The following SUMF1 variants were observed in gnomAD, a reference collection of about 807,000 sequenced individuals.
SUMF1 encodes the protein formylglycine-generating enzyme.
In SUMF1, 48 loss-of-function variants were observed where a neutral mutation model predicts 47.6. The ratio of observed to expected loss-of-function variants is 1.01; its 90% CI spans 0.80 to 1.28. The LOEUF (loss-of-function observed/expected upper bound fraction) is 1.28, where lower values mean the gene tolerates loss of function less well. Among genes scored for constraint, SUMF1 ranks in the 50% most tolerant of loss-of-function variants. The pLI is 0.00. For missense variants in SUMF1, 571 were observed against 485.4 expected (o/e 1.18, Z -1.66); for synonymous variants, 230 against 192.1 (o/e 1.20, Z -1.63).
intron 1 of SUMF1, among the ~76,000 whole-genome samples, chr3:4,465,669 T>G (rs1219862014): frequency 6.6e-6 from 1 of 151,864 alleles, no homozygotes; most frequent in Non-Finnish European, 1.5e-5. Flanking sequence ...GGCCAAAAAT[T>G]ATACAGGATG....
chr3:4,176,007 G>A (rs925950376), intron 8 of SUMF1, among the ~76,000 whole-genome samples: 5 of 152,116 alleles, frequency 3.3e-5, no homozygotes, highest in Non-Finnish European at 7.4e-5. Flanking sequence ...AAAAAGAAAT[G>A]AACAAAGCCT....
chr3:4,389,336 T>G (rs1700777750), intron 7 of SUMF1, among the ~76,000 whole-genome samples: 3 of 115,018 alleles, frequency 2.6e-5, no homozygotes, highest in African/African-American at 1.1e-4. Flanking sequence ...CAAATTGTTT[T>G]TTTTTTTTTT....
intron 7 of SUMF1, among the ~76,000 whole-genome samples, chr3:4,398,427 C>CA (rs1298439958): frequency 7.2e-5 from 11 of 151,996 alleles, no homozygotes; most frequent in South Asian, 4.1e-4. Flanking sequence ...AATTTGGTAA[C>CA]AAAAAAAGAT....
chr3:4,047,894 T>A (rs533420088), intron 9 of SUMF1, among the ~76,000 whole-genome samples: 1 of 152,262 alleles, frequency 6.6e-6, no homozygotes, highest in South Asian at 2.1e-4. Flanking sequence ...AGGATCTGTA[T>A]TAAATATCTT....
chr3:4,248,485 C>G (rs928260079), intron 8 of SUMF1, among the ~76,000 whole-genome samples: 11 of 152,126 alleles, frequency 7.2e-5, no homozygotes, highest in Admixed American at 5.9e-4. Context: ...AAAAGAACGG[C>G]CCTCAAAACC....
At chr3:4,274,212 C>T (rs1336486054) in intron 8 of SUMF1, among the ~76,000 whole-genome samples, 1 of 152,130 alleles carries the variant, frequency 6.6e-6, no homozygotes, top group African/African-American at 2.4e-5. Flanking sequence ...CCCTTCTACA[C>T]ATATACCTAG....
intron 8 of SUMF1, among the ~76,000 whole-genome samples, chr3:4,203,848 C>G (rs909204250): frequency 6.6e-6 from 1 of 151,720 alleles, no homozygotes; most frequent in Non-Finnish European, 1.5e-5. Flanking sequence ...ATTACAAAAA[C>G]AAGCAAACAG....
intron 7 of SUMF1, among the ~76,000 whole-genome samples, chr3:4,382,225 C>T (rs929778193): frequency 3.9e-5 from 6 of 152,058 alleles, no homozygotes; most frequent in African/African-American, 1.2e-4. Context: ...ATAATCTTAT[C>T]GGTGTCACGA....
At chr3:4,092,600 C>A (rs1339783059) in intron 8 of SUMF1, among the ~76,000 whole-genome samples, 2 of 152,078 alleles carry the variant, frequency 1.3e-5, no homozygotes, top group Non-Finnish European at 2.9e-5. Flanking sequence ...AGCCTGCCTC[C>A]AATCTTCTAA....
chr3:4,262,569 C>T (rs1697109767), intron 8 of SUMF1, among the ~76,000 whole-genome samples: 1 of 152,160 alleles, frequency 6.6e-6, no homozygotes, highest in African/African-American at 2.4e-5. Context: ...CGCTTTCCCC[C>T]ATGTGGCTCC....
chr3:4,394,190 G>A (rs1037280894), intron 7 of SUMF1, among the ~76,000 whole-genome samples: 3 of 151,890 alleles, frequency 2.0e-5, no homozygotes, highest in African/African-American at 7.3e-5. Flanking sequence ...TGTGTTTTGA[G>A]ACAGGGTCTT....
In SUMF1 at chr3:4,362,153, A is replaced by G. The variant is rs2633852; in HGVS notation, c.1116T>C (p.Thr372=). Reference sequence around the variant, plus strand: ...AGACTTTCCTTGGTTGTCAGTCCATAGTGGGCAGGCGGTCGGCTGCACAGC... The same window carrying G: ...AGACTTTCCTTGGTTGTCAGTCCATGGTGGGCAGGCGGTCGGCTGCACAGC... The part of the protein sequence containing the change: ...GFRCAADRLP[T]MD The change falls in exon 9 of 9, where the codon ACT becomes ACC. Residue 372 remains threonine (T), a synonymous_variant. Transcript: ENST00000272902. 946,407 of 1,613,514 alleles carry G rather than the reference A, an allele frequency of 0.59. 284,898 individuals carry two copies. Among genetic ancestry groups the G allele is most frequent in the African/African-American group, 0.87 (64,926 of 75,032 alleles).
At chr3:4,145,671 C>G (rs1398364538) in intron 8 of SUMF1, among the ~76,000 whole-genome samples, 7 of 152,210 alleles carry the variant, frequency 4.6e-5, no homozygotes, top group Non-Finnish European at 1.0e-4. Context: ...CTTTTCATGT[C>G]TGCATCAAAG....
chr3:4,097,561 A>G (rs1692934843), intron 8 of SUMF1, among the ~76,000 whole-genome samples: 2 of 152,120 alleles, frequency 1.3e-5, no homozygotes, highest in South Asian at 4.1e-4. Flanking sequence ...TCAAAAAAAC[A>G]AAAACAAAAA....
chr3:4,314,422 T>C (rs923681423), intron 8 of SUMF1: 5 of 152,516 alleles, frequency 3.3e-5, no homozygotes, highest in Admixed American at 3.3e-4. Flanking sequence ...CCTACTTAAT[T>C]GTTTCTAAGC....
rs144322935 is a variant in SUMF1, at chr3:4,409,284, T to C, written c.954+1581A>G. On this transcript the variant is annotated intron_variant, in intron 7 of 8. Transcript: ENST00000272902. ...TTTAGTTCTCAAAACTGTTAAATTA[T>C]ATCCCAGTCAAATGAGGAAGCAAAG... Among the ~76,000 whole-genome samples the C allele has an allele frequency of 2.6e-3, 402 of 152,322 alleles. 3 individuals are homozygous for C. The highest frequency in any genetic ancestry group is 9.2e-3 in the African/African-American group (383 of 41,570).
intron 7 of SUMF1, among the ~76,000 whole-genome samples, chr3:4,407,542 A>T (rs1367605222): frequency 6.6e-6 from 1 of 152,194 alleles, no homozygotes; most frequent in Middle Eastern, 3.2e-3. Flanking sequence ...AACTCCCCCA[A>T]TTCCATATAT....
chr3:4,063,156 C>T (rs543531885), intron 9 of SUMF1, among the ~76,000 whole-genome samples: 52 of 152,122 alleles, frequency 3.4e-4, no homozygotes, highest in African/African-American at 1.2e-3. Context: ...TTAAAGAAAC[C>T]AGGTTACCTA....
chr3:4,341,951 A>G (rs1403712677), intron 8 of SUMF1, among the ~76,000 whole-genome samples: 6 of 152,256 alleles, frequency 3.9e-5, no homozygotes, highest in Admixed American at 6.5e-5. Flanking sequence ...ATACAAGGCA[A>G]TAAGTAATAA....
Sources: gnomAD v4.1 joint callset for allele counts (sites outside exome capture counted in the v4.1 genomes callset) on GRCh38, gnomAD v4.1.1 for gene constraint, MANE v1.5 for transcripts, NCBI Gene and HGNC (gene_info 2026-07-23, HGNC 2026-07-21) for gene names.